The following NCKIPSD variants were observed in gnomAD, a reference collection of about 807,000 sequenced individuals.
NCKIPSD encodes NCK interacting protein with SH3 domain.
Under a neutral mutation model 73.4 loss-of-function variants are expected in NCKIPSD, and 48 were observed. The ratio of observed to expected loss-of-function variants is 0.65; its 90% CI spans 0.52 to 0.83. The LOEUF (loss-of-function observed/expected upper bound fraction) is 0.83. Among genes scored for constraint, NCKIPSD ranks in the 40% least tolerant of loss-of-function variants. NCKIPSD has a pLI of 0.00. For missense variants in NCKIPSD, 884 were observed against 970.2 expected, an observed-to-expected ratio of 0.91 and a Z score of 1.18; for synonymous variants, 422 against 403.6, an observed-to-expected ratio of 1.05 and a Z score of -0.54.
intron 12 of NCKIPSD, among the ~76,000 whole-genome samples, chr3:48,675,513 TATATATATATATATG>T (rs1320373554): frequency 5.3e-4 from 45 of 85,492 alleles, no homozygotes; most frequent in East Asian, 1.1e-3. Flanking sequence ...ATATATCATA[TATATATATATATATG>T]ATATATATAT....
rs759367157 is a variant in NCKIPSD, at chr3:48,674,703, G to C, written c.2010C>G (p.Thr670=). Reference sequence around the variant, plus strand: ...GGTGGCGGTGCTGCAGGTAGGGTGTGGTGCGGACTATAGCATGCATCAGGG... The same window carrying C: ...GGTGGCGGTGCTGCAGGTAGGGTGTCGTGCGGACTATAGCATGCATCAGGG... ...YLSLMHAIVR[T]TPYLQHRHRL... Residue 670 remains threonine (T), a synonymous_variant, in exon 13 of 13, where the codon ACC becomes ACG. Transcript: ENST00000294129. 6.2e-7 allele frequency: 1 copy of C among 1,614,088 alleles called. No individual in the cohort carries two copies. Among genetic ancestry groups the C allele is most frequent in the South Asian group, 1.1e-5 (1 of 91,078 alleles).
chr3:48,680,175 CCAG>C lies in NCKIPSD; in HGVS notation c.1144_1146del (p.Leu382del). The C allele has an allele frequency of 6.2e-7, 1 of 1,613,910 alleles. No individual in the cohort carries two copies. Among genetic ancestry groups the C allele is most frequent in the Non-Finnish European group, 8.5e-7 (1 of 1,180,006 alleles). ...CGAGCCAGGTCTGCAAAGATCACCT[CCAG>C]CCTCTGCTGGTCGTGGCAGACCTGC... On this transcript the variant is annotated inframe_deletion, in exon 6 of 13. Transcript: ENST00000294129.
rs972637923 is a variant in NCKIPSD at position 48,685,875 on chromosome 3, G to A, written c.-68C>T. The A allele has an allele frequency of 6.9e-6, 9 of 1,309,670 alleles. No individual in the cohort carries two copies. The highest frequency in any genetic ancestry group is 4.2e-5 in the Admixed American group (1 of 24,014). The allele number at this position is 1,309,670 out of a possible 1,614,324, so 81.1% of individuals were successfully genotyped here. The stretch of plus-strand genomic sequence containing the variant: ...GGCGCCACAACGCCAGGCCGGGAGC[G>A]CCGAGCCGCGCCGCGGTTGTCCCGC... On this transcript the variant is annotated 5_prime_UTR_variant, in exon 1 of 13. Transcript: ENST00000294129.
chr3:48,674,600 T>C lies in NCKIPSD; in HGVS notation c.2113A>G (p.Met705Val). 7.5e-6 allele frequency: 12 copies of C among 1,610,628 alleles called. No homozygotes were observed. The highest frequency in any genetic ancestry group is 1.1e-5 in the South Asian group (1 of 90,192). ...ETSPQCQMDR[M>V]IVREMCKEFL... The stretch of plus-strand genomic sequence containing the variant: ...TCCTTGCACATCTCTCGGACAATCA[T>C]GCGGTCCATCTGGCACTGGGGTGAG... Residue 705 changes from methionine (M) to valine (V), a missense_variant, in exon 13 of 13, where the codon ATG becomes GTG. By Grantham distance (21) the Met-to-Val change is conservative. Coordinates refer to ENST00000294129, the MANE Select transcript of NCKIPSD (RefSeq NM_016453.4).
intron 5 of NCKIPSD, among the ~76,000 whole-genome samples, chr3:48,680,701 G>A (rs567971532): frequency 5.0e-4 from 76 of 152,114 alleles, no homozygotes; most frequent in African/African-American, 1.6e-3. Flanking sequence ...ACTAAAGAGG[G>A]ACCTTTGGTC....
rs765632424 is a variant in NCKIPSD at position 48,682,388 on chromosome 3, G to A, written c.446C>T (p.Pro149Leu). The change falls in exon 3 of 13, where the codon CCC (proline) becomes CTC (leucine). Residue 149 changes from proline to leucine, a missense_variant. Transcript: ENST00000294129. Reference sequence around the variant, plus strand: ...ATCTGCCCCAAGATGCTCAGAACTGGGTAGGCTGTGCTGCCGCTCGAACCC... The same window carrying A: ...ATCTGCCCCAAGATGCTCAGAACTGAGTAGGCTGTGCTGCCGCTCGAACCC... ...RAGFERQHSL[P>L]SSEHLGADGG... is the part of the protein sequence containing the mutation. 1 of 1,614,108 alleles carries A rather than the reference G, an allele frequency of 6.2e-7. No individual in the cohort carries two copies. The highest frequency in any genetic ancestry group is 8.5e-7 in the Non-Finnish European group (1 of 1,179,998).
intron 1 of NCKIPSD, among the ~76,000 whole-genome samples, chr3:48,684,464 C>G (rs529200560): frequency 1.3e-5 from 2 of 152,190 alleles, no homozygotes; most frequent in Non-Finnish European, 2.9e-5. Flanking sequence ...CCTGGCACTC[C>G]TAGATGGGAT....
chr3:48,685,565 G>A, intron 1 of NCKIPSD, 72 bp downstream of exon 1: 1 of 1,447,554 alleles, frequency 6.9e-7, no homozygotes, highest in Non-Finnish European at 9.0e-7. Flanking sequence ...GGGTCCCTGG[G>A]TCGGTTCCGC....
In NCKIPSD at chr3:48,676,645, T is replaced by C. The variant is rs567505150; in HGVS notation, c.1966-1898A>G. Among the ~76,000 whole-genome samples, 15 of 152,292 alleles carry C rather than the reference T, an allele frequency of 9.8e-5. No individual in the cohort carries two copies. In the South Asian group the frequency reaches 2.9e-3, roughly 30 times the overall value. ...ACAGGTGCATACCACCATGCCCAGCTAATTTTATTTTCTACTGTGGTCCAT... is the reference window on the plus strand; with the variant it reads ...ACAGGTGCATACCACCATGCCCAGCCAATTTTATTTTCTACTGTGGTCCAT... On this transcript the variant is annotated intron_variant, in intron 12 of 12. Coordinates refer to ENST00000294129, the MANE Select transcript of NCKIPSD (RefSeq NM_016453.4).
Position 48,679,617 on chromosome 3 carries a change from G to C in NCKIPSD, c.1447C>G (p.Leu483Val). Residue 483 changes from leucine (L) to valine (V), a missense_variant, in exon 8 of 13, where the codon CTG becomes GTG. Transcript: ENST00000294129. ...AIISTLVSSVLPVELARDMQT... is the reference protein window; with the variant it reads ...AIISTLVSSVVPVELARDMQT... ...ATGTCCCTCGCCAGCTCTACAGGCA[G>C]CACGGATGACACAAGCGTGGAGATG... The C allele has an allele frequency of 6.2e-7, 1 of 1,614,202 alleles. No homozygotes were observed. The highest frequency in any genetic ancestry group is 8.5e-7 in the Non-Finnish European group (1 of 1,180,032).
At chr3:48,676,947 T>G (rs1252649433) in intron 12 of NCKIPSD, among the ~76,000 whole-genome samples, 1 of 151,608 alleles carries the variant, frequency 6.6e-6, no homozygotes, top group Non-Finnish European at 1.5e-5. Flanking sequence ...ATTTTTGTAT[T>G]TTTCGTATTT....
intron 5 of NCKIPSD, 64 bp downstream of exon 5, chr3:48,681,223 C>G (rs1250580937): frequency 1.3e-6 from 2 of 1,510,786 alleles, no homozygotes; most frequent in African/African-American, 1.4e-5. Flanking sequence ...ACAGGCTGGA[C>G]AAGTGTGTGA....
At chr3:48,680,250 A>G in intron 5 of NCKIPSD, 21 bp from the exon 6 acceptor site, 2 of 1,589,130 alleles carry the variant, frequency 1.3e-6, no homozygotes, top group Non-Finnish European at 1.7e-6. Flanking sequence ...AGGGCAAGGC[A>G]TGACTCAGCA....
chr3:48,674,603 G>A lies in NCKIPSD; in HGVS notation c.2110C>T (p.Arg704Cys), dbSNP rs762789060. The A allele has an allele frequency of 2.2e-5, 36 of 1,610,860 alleles. No homozygotes were observed. The highest frequency in any genetic ancestry group is 5.3e-5 in the African/African-American group (4 of 74,888). The part of the protein sequence containing the change: ...EETSPQCQMD[R>C]MIVREMCKEF... ...TTGCACATCTCTCGGACAATCATGCGGTCCATCTGGCACTGGGGTGAGGTC... is the reference window on the plus strand; with the variant it reads ...TTGCACATCTCTCGGACAATCATGCAGTCCATCTGGCACTGGGGTGAGGTC... Residue 704 changes from arginine to cysteine, a missense_variant, in exon 13 of 13, where the codon CGC becomes TGC. By Grantham distance (180) the Arg-to-Cys change is radical. Transcript: ENST00000294129.
rs923955795 is a variant in NCKIPSD, at chr3:48,679,600, C to T, written c.1464G>A (p.Ala488=). The part of the protein sequence containing the change: ...LVSSVLPVEL[A]RDMQTDTQDH... The stretch of plus-strand genomic sequence containing the variant: ...CCTGCGTGTCTGTCTGCATGTCCCT[C>T]GCCAGCTCTACAGGCAGCACGGATG... Residue 488 remains alanine, a synonymous_variant, in exon 8 of 13, where the codon GCG becomes GCA. Coordinates refer to ENST00000294129, the MANE Select transcript of NCKIPSD (RefSeq NM_016453.4). The T allele has an allele frequency of 6.2e-6, 10 of 1,614,070 alleles. No individual in the cohort carries two copies. The highest frequency in any genetic ancestry group is 4.0e-5 in the African/African-American group (3 of 74,938).
rs375489326 is a variant in NCKIPSD, at chr3:48,681,384, C to T, written c.995G>A (p.Arg332Gln). Residue 332 changes from arginine (R) to glutamine (Q), a missense_variant, in exon 5 of 13, where the codon CGG becomes CAG. Physicochemically the swap from Arg to Gln is conservative, Grantham distance 43 (BLOSUM62 1). Transcript: ENST00000294129. Reference protein sequence around the residue: ...RNTGLSHELCRVAIGIIVGHI... With the variant: ...RNTGLSHELCQVAIGIIVGHI... ...ACCCACTATGATGCCGATGGCCACC[C>T]GGCATAATTCGTGGCTCAGGCCAGT... is the stretch of plus-strand genomic sequence containing the variant. 31 of 1,611,968 alleles carry T rather than the reference C, an allele frequency of 1.9e-5. No homozygotes were observed. The highest frequency in any genetic ancestry group is 3.3e-4 in the Middle Eastern group (2 of 6,068).
chr3:48,679,081 AGCAGGTTCAC>A lies in NCKIPSD; in HGVS notation c.1663_1672del (p.Val555PhefsTer20). The A allele has an allele frequency of 6.2e-7, 1 of 1,614,154 alleles. No homozygotes were observed. Among genetic ancestry groups the A allele is most frequent in the African/African-American group, 1.3e-5 (1 of 75,050 alleles). ...TGGCAGGTGCAGGTTGAGAGCCAGA[AGCAGGTTCAC>A]GCAGAGGTCCGGCAGCTGCTCTGTG... On this transcript the variant is annotated frameshift_variant, in exon 10 of 13. Transcript: ENST00000294129. LOFTEE classifies it high-confidence loss of function.
chr3:48,678,647 C>G lies in NCKIPSD; in HGVS notation c.1882G>C (p.Ala628Pro). The G allele has an allele frequency of 6.2e-7, 1 of 1,614,232 alleles. No homozygotes were observed. Among genetic ancestry groups the G allele is most frequent in the African/African-American group, 1.3e-5 (1 of 75,062 alleles). ...LQDVFGSPAT[A>P]AIFYHTDMMA... ...ATGTCTGTGTGGTAGAAGATGGCAGCTGTGGCCGGGCTGCCAAACACGTCC... is the reference window on the plus strand; with the variant it reads ...ATGTCTGTGTGGTAGAAGATGGCAGGTGTGGCCGGGCTGCCAAACACGTCC... The change falls in exon 12 of 13, where the codon GCT becomes CCT. Residue 628 changes from alanine (A) to proline (P), a missense_variant. By Grantham distance (27) the Ala-to-Pro change is conservative (BLOSUM62 -1). Coordinates refer to ENST00000294129, the MANE Select transcript of NCKIPSD (RefSeq NM_016453.4).
rs550110345 is a variant in NCKIPSD at position 48,682,419 on chromosome 3, G to A, written c.415C>T (p.Arg139Ter). ...AAARQPNGVC[R>*]AGFERQHSLP... is the part of the protein sequence containing the mutation. ...CTGTGCTGCCGCTCGAACCCAGCTC[G>A]ACACACCCCATTGGGCTGCCTGGCT... The change falls in exon 3 of 13, where the codon CGA becomes TGA. Residue 139 changes from arginine to a stop codon, truncating the protein, a stop_gained. Coordinates refer to ENST00000294129, the MANE Select transcript of NCKIPSD (RefSeq NM_016453.4). LOFTEE classifies it high-confidence loss of function. The A allele has an allele frequency of 4.3e-6, 7 of 1,613,996 alleles. No homozygotes were observed. Among genetic ancestry groups the A allele is most frequent in the Admixed American group, 3.3e-5 (2 of 59,994 alleles).
Sources: gnomAD v4.1 joint callset for allele counts (sites outside exome capture counted in the v4.1 genomes callset) on GRCh38, gnomAD v4.1.1 for gene constraint, MANE v1.5 for transcripts, NCBI Gene and HGNC (gene_info 2026-07-23, HGNC 2026-07-21) for gene names.